Variants in GNL1 observed in about 807,000 individuals in gnomAD.
The protein encoded by GNL1 is G protein nucleolar 1.
Under a neutral mutation model 75.2 loss-of-function variants are expected in GNL1, and 21 were observed. The ratio of observed to expected loss-of-function variants is 0.28; its 90% confidence interval spans 0.20 to 0.40. GNL1 has a LOEUF of 0.40. Ranked by LOEUF, GNL1 falls within the 10% of genes least tolerant of loss-of-function variation. The pLI, the probability that GNL1 is intolerant of heterozygous loss-of-function variation, is 1.00. For missense variants in GNL1, 579 were observed against 775.0 expected, an observed-to-expected ratio of 0.75 and a Z score of 3.00; for synonymous variants, 287 against 303.4, an observed-to-expected ratio of 0.95 and a Z score of 0.56.
In GNL1 at chr6:30,548,527, A is replaced by G. The variant is rs1173960513; in HGVS notation, c.1100-997T>C. Among the ~76,000 whole-genome samples, 1 of 151,918 alleles carries G rather than the reference A, an allele frequency of 6.6e-6. No homozygotes were observed. The highest frequency in any genetic ancestry group is 1.5e-5 in the Non-Finnish European group (1 of 67,974). ...ATGCAATACCCAACTCGTGTCCTCA[A>G]TTTCCTTCTTACTTGACTCAGATTT... On this transcript the variant is annotated intron_variant, in intron 8 of 11. Transcript: ENST00000376621. This position sits in a 1 kb window ranked among gnomAD's most constrained non-coding sequence, Gnocchi z 4.2.
rs558252105 is a variant in GNL1 at position 30,555,253 on chromosome 6, C to T, written c.240-62G>A. ...TGTGGCCACAAACTCCTATTTTCTC[C>T]CCTCTTGTACAATCAACTTCGCAAA... On this transcript the variant is annotated intron_variant, in intron 2 of 11. Coordinates refer to ENST00000376621, the MANE Select transcript of GNL1 (RefSeq NM_005275.5). The surrounding 1 kb of genome is among the most constrained non-coding windows in gnomAD (Gnocchi z 4.3). The T allele has an allele frequency of 1.9e-6, 3 of 1,596,548 alleles. No individual in the cohort carries two copies. The highest frequency in any genetic ancestry group is 1.7e-5 in the Admixed American group (1 of 59,492).
chr6:30,552,276 G>T lies in GNL1; in HGVS notation c.1099+191C>A. On this transcript the variant is annotated intron_variant, in intron 8 of 11. Transcript: ENST00000376621. The surrounding 1 kb of genome is among the most constrained non-coding windows in gnomAD (Gnocchi z 4.5). ...AAGACCTCACAGCTGAGAAGAGGTG[G>T]AATTTAACTCAGGCTGTCATGATCC... 1 of 535,204 alleles carries T rather than the reference G, an allele frequency of 1.9e-6. No individual in the cohort carries two copies. 33.2% of individuals were successfully genotyped at this position (535,204 alleles called of 1,614,324 possible). A position where few individuals can be genotyped will look rare whatever the true frequency, so the allele number is the denominator to read the frequency against.
At position 30,552,985 on chromosome 6, in the gene GNL1, C is replaced by A; in HGVS notation, c.904+99G>T. On this transcript the variant is annotated intron_variant, in intron 7 of 11. Transcript: ENST00000376621. The surrounding 1 kb of genome is among the most constrained non-coding windows in gnomAD (Gnocchi z 4.5). ...CTTCCCCTGGCCTCTTGCACATATC[C>A]ACCATAGAGGGGTTGGCTTCAGGAA... is the stretch of plus-strand genomic sequence containing the variant. The A allele has an allele frequency of 1.2e-6, 1 of 829,942 alleles. No individual in the cohort carries two copies. The highest frequency in any genetic ancestry group is 2.0e-6 in the Non-Finnish European group (1 of 499,982). 51.4% of individuals were successfully genotyped at this position (829,942 alleles called of 1,614,324 possible). A position where few individuals can be genotyped will look rare whatever the true frequency, so the allele number is the denominator to read the frequency against.
At position 30,556,433 on chromosome 6, in the gene GNL1, G is replaced by A; in HGVS notation, c.-230C>T. 1.7e-6 allele frequency: 1 copy of A among 593,324 alleles called. No individual in the cohort carries two copies. Among genetic ancestry groups the A allele is most frequent in the South Asian group, 2.0e-5 (1 of 50,628 alleles). The allele number at this position is 593,324 out of a possible 1,614,324, so 36.8% of individuals were successfully genotyped here. A position where few individuals can be genotyped will look rare whatever the true frequency, so the allele number is the denominator to read the frequency against. Reference sequence around the variant, plus strand: ...GCGAGGCGAGAGGATGATGCGGGGTGGGCTACTGGCACGTGAGAGCCAGTG... The same window carrying A: ...GCGAGGCGAGAGGATGATGCGGGGTAGGCTACTGGCACGTGAGAGCCAGTG... On this transcript the variant is annotated 5_prime_UTR_variant, in exon 1 of 12. Transcript: ENST00000376621. This position sits in a 1 kb window ranked among gnomAD's most constrained non-coding sequence, Gnocchi z 5.7.
chr6:30,546,279 C>G lies in GNL1; in HGVS notation c.1617G>C (p.Leu539=). 1 of 1,595,170 alleles carries G rather than the reference C, an allele frequency of 6.3e-7. No homozygotes were observed. Among genetic ancestry groups the G allele is most frequent in the East Asian group, 2.3e-5 (1 of 44,248 alleles). The change falls in exon 12 of 12, where the codon CTG becomes CTC. Residue 539 remains leucine, a synonymous_variant. Coordinates refer to ENST00000376621, the MANE Select transcript of GNL1 (RefSeq NM_005275.5). The surrounding 1 kb of genome is among the most constrained non-coding windows in gnomAD (Gnocchi z 5.1). The stretch of plus-strand genomic sequence containing the variant: ...GCCCCACCCTGCCCTGCAAAACCAC[C>G]AGCTCCGTGGTCTCTGGATGGGACT... ...TWESHPETTE[L]VVLQGRVGPA...
chr6:30,547,187 G>C lies in GNL1; in HGVS notation c.1366C>G (p.Leu456Val). 1.5e-5 allele frequency: 25 copies of C among 1,613,138 alleles called. No homozygotes were observed. The highest frequency in any genetic ancestry group is 2.1e-5 in the Non-Finnish European group (25 of 1,179,572). The change falls in exon 10 of 12, where the codon CTG (leucine) becomes GTG (valine). Residue 456 changes from leucine to valine, a missense_variant. Transcript: ENST00000376621. This position sits in a 1 kb window ranked among gnomAD's most constrained non-coding sequence, Gnocchi z 5.5. Reference protein sequence around the residue: ...YLASRIPVQALLHLRHPEAED... With the variant: ...YLASRIPVQAVLHLRHPEAED... ...GCCTCTGGGTGGCGCAGGTGGAGCAGGGCCTGCACGGGAATTCGGGAGGCC... is the reference window on the plus strand; with the variant it reads ...GCCTCTGGGTGGCGCAGGTGGAGCACGGCCTGCACGGGAATTCGGGAGGCC...
Position 30,546,529 on chromosome 6 carries a change from T to C in GNL1, c.1582+167A>G. On this transcript the variant is annotated intron_variant, in intron 11 of 11. Coordinates refer to ENST00000376621, the MANE Select transcript of GNL1 (RefSeq NM_005275.5). This position sits in a 1 kb window ranked among gnomAD's most constrained non-coding sequence, Gnocchi z 5.1. Reference sequence around the variant, plus strand: ...ATCTTTACAATCACTATGCTAAGGGTCAATTATTACCCTCAGTTTGCAGAT... The same window carrying C: ...ATCTTTACAATCACTATGCTAAGGGCCAATTATTACCCTCAGTTTGCAGAT... 2 of 701,218 alleles carry C rather than the reference T, an allele frequency of 2.9e-6. No homozygotes were observed. Among genetic ancestry groups the C allele is most frequent in the Admixed American group, 5.4e-5 (2 of 36,732 alleles). 43.4% of individuals were successfully genotyped at this position (701,218 alleles called of 1,614,324 possible).
chr6:30,555,667 G>A lies in GNL1; in HGVS notation c.127C>T (p.Arg43Trp). 1 of 1,613,880 alleles carries A rather than the reference G, an allele frequency of 6.2e-7. No homozygotes were observed. The highest frequency in any genetic ancestry group is 8.5e-7 in the Non-Finnish European group (1 of 1,179,954). The stretch of plus-strand genomic sequence containing the variant: ...GAGGTGTCGGTCTGTTCCTCTCGCC[G>A]CTCCCGGCTCCCGCTGCGGCTGTTG... Reference protein sequence around the residue: ...SSNSRSGSRERREEQTDTSDG... With the variant: ...SSNSRSGSREWREEQTDTSDG... The change falls in exon 2 of 12, where the codon CGG (arginine) becomes TGG (tryptophan). Residue 43 changes from arginine (R) to tryptophan (W), a missense_variant. Coordinates refer to ENST00000376621, the MANE Select transcript of GNL1 (RefSeq NM_005275.5). The surrounding 1 kb of genome is among the most constrained non-coding windows in gnomAD (Gnocchi z 4.3).
chr6:30,552,520 G>A lies in GNL1; in HGVS notation c.1046C>T (p.Thr349Ile). 6.2e-7 allele frequency: 1 copy of A among 1,614,144 alleles called. No individual in the cohort carries two copies. Among genetic ancestry groups the A allele is most frequent in the Non-Finnish European group, 8.5e-7 (1 of 1,179,994 alleles). Residue 349 changes from threonine to isoleucine, a missense_variant, in exon 8 of 12, where the codon ACT becomes ATT. By Grantham distance (89) the Thr-to-Ile change is moderately conservative. Coordinates refer to ENST00000376621, the MANE Select transcript of GNL1 (RefSeq NM_005275.5). This position sits in a 1 kb window ranked among gnomAD's most constrained non-coding sequence, Gnocchi z 4.5. ...EQQTDSAMEP[T>I]GPTQERYKDG... Reference sequence around the variant, plus strand: ...CTTGTAGCGCTCTTGGGTTGGGCCAGTTGGCTCCATTGCTGAATCAGTCTG... The same window carrying A: ...CTTGTAGCGCTCTTGGGTTGGGCCAATTGGCTCCATTGCTGAATCAGTCTG...
At chr6:30,551,406 C>T (rs1799769955) in intron 8 of GNL1, among the ~76,000 whole-genome samples, 1 of 152,166 alleles carries the variant, frequency 6.6e-6, no homozygotes, top group Non-Finnish European at 1.5e-5. Flanking sequence ...AGGGCACTTC[C>T]AAGGAACCCA....
rs948471759 is a variant in GNL1 at position 30,542,808 on chromosome 6, C to G, written c.*3264G>C. 1 of 152,230 alleles carries G rather than the reference C, an allele frequency of 6.6e-6. No homozygotes were observed. Among genetic ancestry groups the G allele is most frequent in the Non-Finnish European group, 1.5e-5 (1 of 68,064 alleles). The allele number at this position is 152,230 out of a possible 1,614,324, so 9.4% of individuals were successfully genotyped here. On this transcript the variant is annotated 3_prime_UTR_variant, in exon 12 of 12. Transcript: ENST00000376621. This position sits in a 1 kb window ranked among gnomAD's most constrained non-coding sequence, Gnocchi z 4.5. Reference sequence around the variant, plus strand: ...GTCTCCACACTGCAACCATAGTGATCTAAGGCACAATTCTCACCTTTTCAG... The same window carrying G: ...GTCTCCACACTGCAACCATAGTGATGTAAGGCACAATTCTCACCTTTTCAG...
chr6:30,553,298 G>A (rs1459983945), intron 6 of GNL1, 52 bp downstream of exon 6: 18 of 1,511,160 alleles, frequency 1.2e-5, no homozygotes, highest in Non-Finnish European at 1.6e-5. Flanking sequence ...TCTCCCCTTT[G>A]TCCCCTGCCA....
rs1029257368 is a variant in GNL1, at chr6:30,544,930, T to C, written c.*1142A>G. ...CAACACTGGCAGTCAATAAAAAAGCTCATTCTCCCATTTCTAAAAGAATTC... is the reference window on the plus strand; with the variant it reads ...CAACACTGGCAGTCAATAAAAAAGCCCATTCTCCCATTTCTAAAAGAATTC... On this transcript the variant is annotated 3_prime_UTR_variant, in exon 12 of 12. Transcript: ENST00000376621. The C allele has an allele frequency of 6.6e-6, 1 of 152,188 alleles. No homozygotes were observed. Among genetic ancestry groups the C allele is most frequent in the African/African-American group, 2.4e-5 (1 of 41,436 alleles). 9.4% of individuals were successfully genotyped at this position (152,188 alleles called of 1,614,324 possible).
rs764355825 is a variant in GNL1, at chr6:30,554,773, G to T, written c.519C>A (p.His173Gln). Reference protein sequence around the residue: ...YSSEKLSYFEHNLETWRQLWR... With the variant: ...YSSEKLSYFEQNLETWRQLWR... ...TAGAGTACACTGTCACCTCCAGATTGTGCTCAAAGTAGCTGAGTTTCTCAG... is the reference window on the plus strand; with the variant it reads ...TAGAGTACACTGTCACCTCCAGATTTTGCTCAAAGTAGCTGAGTTTCTCAG... The change falls in exon 4 of 12, where the codon CAC (histidine) becomes CAA (glutamine). Residue 173 changes from histidine (H) to glutamine (Q), a missense_variant. Coordinates refer to ENST00000376621, the MANE Select transcript of GNL1 (RefSeq NM_005275.5). 1.9e-6 allele frequency: 3 copies of T among 1,612,926 alleles called. No individual in the cohort carries two copies. The highest frequency in any genetic ancestry group is 2.2e-5 in the South Asian group (2 of 91,086).
intron 5 of GNL1, 30 bp downstream of exon 5, chr6:30,554,545 T>G: frequency 7.2e-7 from 1 of 1,380,180 alleles, no homozygotes; most frequent in Non-Finnish European, 1.0e-6. Context: ...TTCTCCCTCC[T>G]CCTTGCCCAC....
Position 30,555,614 on chromosome 6 carries a change from G to C in GNL1, c.180C>G (p.Ile60Met). 6.2e-7 allele frequency: 1 copy of C among 1,614,064 alleles called. No individual in the cohort carries two copies. Among genetic ancestry groups the C allele is most frequent in the Non-Finnish European group, 8.5e-7 (1 of 1,179,970 alleles). Residue 60 changes from isoleucine to methionine, a missense_variant, in exon 2 of 12, where the codon ATC becomes ATG. Ile to Met is a conservative substitution (Grantham distance 10). Transcript: ENST00000376621. The surrounding 1 kb of genome is among the most constrained non-coding windows in gnomAD (Gnocchi z 4.3). ...TSDGESVTHHIRRLNQQPSQG... is the reference protein window; with the variant it reads ...TSDGESVTHHMRRLNQQPSQG... ...GAGAAGGCTGCTGGTTAAGCCTGCG[G>C]ATATGATGGGTCACAGACTCCCCGT...
chr6:30,546,942 C>A lies in GNL1; in HGVS notation c.1442-106G>T. The A allele has an allele frequency of 8.3e-7, 1 of 1,198,508 alleles. No individual in the cohort carries two copies. Among genetic ancestry groups the A allele is most frequent in the Admixed American group, 1.9e-5 (1 of 52,370 alleles). 74.2% of individuals were successfully genotyped at this position (1,198,508 alleles called of 1,614,324 possible). ...CCAGTTTTCCCCAAAACATTCCAGGCCAGAGATCTTACTGGCTATGCAACA... is the reference window on the plus strand; with the variant it reads ...CCAGTTTTCCCCAAAACATTCCAGGACAGAGATCTTACTGGCTATGCAACA... On this transcript the variant is annotated intron_variant, in intron 10 of 11. Transcript: ENST00000376621. The surrounding 1 kb of genome is among the most constrained non-coding windows in gnomAD (Gnocchi z 5.1).
In GNL1 at chr6:30,556,094, C is replaced by A; in HGVS notation, c.73+37G>T. Reference sequence around the variant, plus strand: ...ACCCCTCCTTCCAGATGTGCGGAAGCCCGAGCCCCGCCCCCTCCTCCCGCT... The same window carrying A: ...ACCCCTCCTTCCAGATGTGCGGAAGACCGAGCCCCGCCCCCTCCTCCCGCT... On this transcript the variant is annotated intron_variant, in intron 1 of 11. Transcript: ENST00000376621. The surrounding 1 kb of genome is among the most constrained non-coding windows in gnomAD (Gnocchi z 5.7). 1 of 1,594,102 alleles carries A rather than the reference C, an allele frequency of 6.3e-7. No individual in the cohort carries two copies. Among genetic ancestry groups the A allele is most frequent in the Non-Finnish European group, 8.5e-7 (1 of 1,173,900 alleles).
Position 30,555,518 on chromosome 6 carries a change from C to G in GNL1, c.239+37G>C. ...CCCAAAGCTCTGACTTCCGGGTAGG[C>G]GGGAAAGCCGGGACCAGCGCCCCCT... On this transcript the variant is annotated intron_variant, in intron 2 of 11. Transcript: ENST00000376621. This position sits in a 1 kb window ranked among gnomAD's most constrained non-coding sequence, Gnocchi z 4.3. 1.3e-6 allele frequency: 2 copies of G among 1,580,828 alleles called. No homozygotes were observed. The highest frequency in any genetic ancestry group is 1.7e-6 in the Non-Finnish European group (2 of 1,157,602).
Sources: gnomAD v4.1 joint callset for allele counts (sites outside exome capture counted in the v4.1 genomes callset) on GRCh38, gnomAD v4.1.1 for gene constraint, Gnocchi (gnomAD v3.1) non-coding constraint, MANE v1.5 for transcripts, NCBI Gene and HGNC (gene_info 2026-07-23, HGNC 2026-07-21) for gene names.